EDA2R: variants seen among roughly 807,000 people sequenced by gnomAD.
The protein encoded by EDA2R is ectodysplasin A2 receptor, also known as tumor necrosis factor receptor superfamily member 27.
EDA2R carries 26 observed loss-of-function variants against 20.1 expected under a neutral mutation model. That is an observed-to-expected ratio of 1.30 (90% confidence interval 0.95 to 1.80). The LOEUF (loss-of-function observed/expected upper bound fraction) is 1.80, where lower values mean the gene tolerates loss of function less well. Ranked by LOEUF, EDA2R falls within the 40% of genes most tolerant of loss-of-function variation. EDA2R has a pLI of 0.00. For synonymous variants in EDA2R, 114 were observed against 88.7 expected (o/e 1.29, Z -1.60); for missense variants, 277 against 228.7 (o/e 1.21, Z -1.36).
At chrX:66,623,959 T>A (rs747768770) in intron 1 of EDA2R, among the ~76,000 whole-genome samples, 64 of 112,532 alleles carry the variant, frequency 5.7e-4, no homozygotes, top group South Asian at 1.1e-3. Context: ...TTATTGCTTT[T>A]TCTTCCCCAG....
chrX:66,619,488 A>C (rs778966244), intron 1 of EDA2R, among the ~76,000 whole-genome samples: 3 of 112,068 alleles, frequency 2.7e-5, no homozygotes, highest in African/African-American at 6.5e-5. Context: ...TTTTCCACAG[A>C]ACAGTCCCTC....
intron 1 of EDA2R, among the ~76,000 whole-genome samples, chrX:66,622,628 A>G (rs1408370580): frequency 8.9e-6 from 1 of 112,050 alleles, no homozygotes; most frequent in East Asian, 2.8e-4. Context: ...CCACATGCAC[A>G]AGACAGAATC....
chrX:66,626,027 C>A (rs745830633), intron 1 of EDA2R, among the ~76,000 whole-genome samples: 1 of 111,561 alleles, frequency 9.0e-6, no homozygotes, highest in Non-Finnish European at 1.9e-5. Context: ...GCCTTCAGCC[C>A]TAGACCTTCC....
At chrX:66,614,569 C>CT (rs1421780086) in intron 2 of EDA2R, among the ~76,000 whole-genome samples, 4 of 112,094 alleles carry the variant, frequency 3.6e-5, no homozygotes, top group African/African-American at 1.3e-4. Flanking sequence ...CTCTGGCGAT[C>CT]TTTCCTTGGT....
At chrX:66,621,321 C>T (rs1481252057) in intron 1 of EDA2R, among the ~76,000 whole-genome samples, 3 of 111,858 alleles carry the variant, frequency 2.7e-5, no homozygotes, top group Non-Finnish European at 5.6e-5. Flanking sequence ...GATGCAGCCC[C>T]TTTGGAAATT....
At position 66,602,714 on chromosome X, in the gene EDA2R, G is replaced by A. The variant is rs1177695424; in HGVS notation, c.436C>T (p.Leu146=). 8.3e-7 allele frequency: 1 copy of A among 1,198,381 alleles called. No individual in the cohort carries two copies. Among genetic ancestry groups the A allele is most frequent in the African/African-American group, 1.8e-5 (1 of 56,895 alleles). Residue 146 remains leucine, a synonymous_variant, in exon 5 of 7, where the codon CTG becomes TTG. Coordinates refer to ENST00000374719, the MANE Select transcript of EDA2R (RefSeq NM_021783.5). ...AAGGCCAGGGTAAACACCACTAGCAGGCTGCTCACCAGTGCAACAAGTGTG... is the reference window on the plus strand; with the variant it reads ...AAGGCCAGGGTAAACACCACTAGCAAGCTGCTCACCAGTGCAACAAGTGTG... ...EATLVALVSS[L]LVVFTLAFLG...
chrX:66,632,078 G>A lies in EDA2R; in HGVS notation c.-11+6917C>T, dbSNP rs1405473261. On this transcript the variant is annotated intron_variant, in intron 1 of 6. Coordinates refer to ENST00000374719, the MANE Select transcript of EDA2R (RefSeq NM_021783.5). The stretch of plus-strand genomic sequence containing the variant: ...TAGATTAATTAAATAAAAACCTCTG[G>A]GGTTGGAATAACCACTGGCCGAAGT... 4.5e-5 allele frequency among the ~76,000 whole-genome samples: 5 copies of A among 111,637 alleles called. No homozygotes were observed. In the Admixed American group the frequency reaches 4.7e-4, roughly 11 times the overall value.
chrX:66,605,832 C>T (rs941504823), intron 2 of EDA2R, among the ~76,000 whole-genome samples: 1 of 112,449 alleles, frequency 8.9e-6, no homozygotes, highest in Admixed American at 9.4e-5. Flanking sequence ...GTCATAAGCA[C>T]TACCCACATA....
intron 1 of EDA2R, among the ~76,000 whole-genome samples, chrX:66,626,760 G>A (rs1396237813): frequency 2.1e-5 from 2 of 97,321 alleles, no homozygotes; most frequent in African/African-American, 7.6e-5. Flanking sequence ...CTTAAGATCT[G>A]TGAGACTGGA....
intron 1 of EDA2R, among the ~76,000 whole-genome samples, chrX:66,623,884 G>A (rs188892371): frequency 1.6e-4 from 18 of 111,889 alleles, no homozygotes; most frequent in African/African-American, 2.6e-4. Flanking sequence ...TCCTATCCCC[G>A]TTTCCAGTTT....
intron 2 of EDA2R, among the ~76,000 whole-genome samples, chrX:66,610,830 G>A (rs1298834079): frequency 9.0e-6 from 1 of 111,284 alleles, no homozygotes; most frequent in African/African-American, 3.3e-5. Flanking sequence ...ATGGGCCTGC[G>A]ATTCCCCACA....
chrX:66,622,089 A>G (rs1932714683), intron 1 of EDA2R, among the ~76,000 whole-genome samples: 1 of 111,777 alleles, frequency 8.9e-6, no homozygotes, highest in South Asian at 3.8e-4. Flanking sequence ...TATGTGTTGT[A>G]TATACCTTGA....
At chrX:66,617,982 G>A (rs1420222245) in intron 1 of EDA2R, among the ~76,000 whole-genome samples, 5 of 109,807 alleles carry the variant, frequency 4.6e-5, no homozygotes, top group Non-Finnish European at 7.6e-5. Context: ...TGCCTCCTGG[G>A]TTCAAGTGAT....
intron 1 of EDA2R, among the ~76,000 whole-genome samples, chrX:66,633,110 T>A (rs1454951391): frequency 8.9e-6 from 1 of 112,472 alleles, no homozygotes; most frequent in African/African-American, 3.2e-5. Flanking sequence ...AATAACCAAC[T>A]GAACTGGGCT....
In EDA2R at chrX:66,599,510, C is replaced by T. The variant is rs1269817782; in HGVS notation, c.868G>A (p.Val290Met). 2.6e-6 allele frequency: 3 copies of T among 1,169,726 alleles called. No homozygotes were observed. The highest frequency in any genetic ancestry group is 3.4e-6 in the Non-Finnish European group (3 of 871,189). ...ESTGDRLELN[V>M]PFEVPSP ...TAAGGGCTGGGAACTTCAAAGGGCA[C>T]ATTGAGCTCCAGCCTGTCTCCAGTG... Residue 290 changes from valine (V) to methionine (M), a missense_variant, in exon 6 of 7, where the codon GTG (valine) becomes ATG (methionine). Transcript: ENST00000374719.
At chrX:66,618,040 C>T (rs184206567) in intron 1 of EDA2R, among the ~76,000 whole-genome samples, 8 of 110,800 alleles carry the variant, frequency 7.2e-5, no homozygotes, top group Non-Finnish European at 5.7e-5. Flanking sequence ...GAGCATGCCA[C>T]CATGCCCAGC....
At position 66,602,703 on chromosome X, in the gene EDA2R, C is replaced by T. The variant is rs765098590; in HGVS notation, c.447G>A (p.Val149=). The change falls in exon 5 of 7, where the codon GTG becomes GTA. Residue 149 remains valine, a synonymous_variant. Transcript: ENST00000374719. ...LVALVSSLLV[V]FTLAFLGLFF... ...AGAGCCCCAGGAAGGCCAGGGTAAA[C>T]ACCACTAGCAGGCTGCTCACCAGTG... is the stretch of plus-strand genomic sequence containing the variant. 2.5e-6 allele frequency: 3 copies of T among 1,200,828 alleles called. No homozygotes were observed. The East Asian group carries it at 9.0e-5, about 36-fold the overall frequency.
chrX:66,611,686 C>T (rs182164429), intron 2 of EDA2R, among the ~76,000 whole-genome samples: 158 of 110,544 alleles, frequency 1.4e-3, no homozygotes, highest in African/African-American at 4.9e-3. Context: ...CCTCAAGAAC[C>T]TATGAGACTA....
intron 1 of EDA2R, among the ~76,000 whole-genome samples, chrX:66,628,261 T>C (rs761322075): frequency 1.8e-5 from 2 of 110,482 alleles, no homozygotes; most frequent in Admixed American, 9.7e-5. Context: ...TCTAAGGTTG[T>C]GCCTCAAGGA....
Sources: allele counts gnomAD v4.1 joint callset (sites outside exome capture counted in the v4.1 genomes callset), GRCh38; gene constraint gnomAD v4.1.1; transcripts MANE v1.5; gene names NCBI Gene and HGNC (gene_info 2026-07-23, HGNC 2026-07-21).